The following SPDYA variants were observed in gnomAD, a reference collection of about 807,000 sequenced individuals.
SPDYA encodes the protein speedy protein A.
Under a neutral mutation model 36.7 loss-of-function variants are expected in SPDYA, and 11 were observed. The ratio of observed to expected loss-of-function variants is 0.30; its 90% CI spans 0.19 to 0.50. SPDYA has a LOEUF of 0.50. SPDYA is among the 20% of genes least tolerant of loss of function. The probability of loss-of-function intolerance (pLI) is 0.98; values close to 1 mark genes in which losing one functional copy is unlikely to be tolerated. For synonymous variants in SPDYA, 115 were observed against 118.7 expected, an observed-to-expected ratio of 0.97 and a Z score of 0.20; for missense variants, 287 against 370.9, an observed-to-expected ratio of 0.77 and a Z score of 1.86.
intron 6 of SPDYA, 102 bp from the exon 7 acceptor site, chr2:28,840,070 C>G: frequency 9.0e-7 from 1 of 1,110,268 alleles, no homozygotes; most frequent in Non-Finnish European, 1.2e-6. Flanking sequence ...GGATTTTTAT[C>G]TTCACTTTAG....
chr2:28,813,227 C>T (rs1470998355), intron 1 of SPDYA, among the ~76,000 whole-genome samples: 1 of 152,166 alleles, frequency 6.6e-6, no homozygotes, highest in Non-Finnish European at 1.5e-5. Flanking sequence ...AATATCCCAA[C>T]ACATACATAA....
rs144501479 is a variant in SPDYA at position 28,850,230 on chromosome 2, T to G, written c.*289T>G. The stretch of plus-strand genomic sequence containing the variant: ...AAGTTGTGGTTTGACCTTCCTCAAC[T>G]TGACAAGAAAAGCTAATTTAAGAGA... On this transcript the variant is annotated 3_prime_UTR_variant, in exon 8 of 8. Transcript: ENST00000334056. 4.7e-5 allele frequency: 75 copies of G among 1,611,942 alleles called. 1 individual carries two copies. In the African/African-American group the frequency reaches 8.9e-4, roughly 19 times the overall value.
chr2:28,823,743 AT>A (rs1312777447), intron 5 of SPDYA, among the ~76,000 whole-genome samples: 28 of 51,988 alleles, frequency 5.4e-4, no homozygotes, highest in South Asian at 1.6e-3. Context: ...ATATATATAT[AT>A]AAAATTTTTT....
chr2:28,819,620 A>T (rs995895017), intron 4 of SPDYA, among the ~76,000 whole-genome samples: 3 of 151,784 alleles, frequency 2.0e-5, no homozygotes, highest in African/African-American at 7.3e-5. Flanking sequence ...GCATAGATTC[A>T]GTCTATACTT....
chr2:28,848,603 C>A (rs1362952348), intron 7 of SPDYA, among the ~76,000 whole-genome samples: 1 of 152,126 alleles, frequency 6.6e-6, no homozygotes, highest in African/African-American at 2.4e-5. Flanking sequence ...TCTAAAAAGG[C>A]AGAGATTTTA....
intron 3 of SPDYA, among the ~76,000 whole-genome samples, chr2:28,817,898 T>C (rs949414659): frequency 2.3e-5 from 3 of 132,190 alleles, no homozygotes; most frequent in Non-Finnish European, 3.1e-5. Context: ...TGGTGGCTCA[T>C]GCCTGTAATC....
intron 6 of SPDYA, 25 bp downstream of exon 6, chr2:28,829,344 T>C (rs1481169643): frequency 6.3e-7 from 1 of 1,580,658 alleles, no homozygotes; most frequent in Non-Finnish European, 8.5e-7. Flanking sequence ...ATGCTTTATA[T>C]ATGTAATCTT....
chr2:28,844,660 G>T (rs1234239470), intron 7 of SPDYA, among the ~76,000 whole-genome samples: 1 of 152,078 alleles, frequency 6.6e-6, no homozygotes, highest in South Asian at 2.1e-4. Flanking sequence ...TTTGCTGGGC[G>T]CGGTGGCTCA....
intron 4 of SPDYA, among the ~76,000 whole-genome samples, chr2:28,820,564 C>T (rs974333201): frequency 2.8e-4 from 42 of 151,972 alleles, no homozygotes; most frequent in African/African-American, 9.4e-4. Context: ...CCAGCCTGGG[C>T]GACAGATCGA....
chr2:28,819,133 A>T, intron 4 of SPDYA, 27 bp downstream of exon 4: 1 of 1,537,076 alleles, frequency 6.5e-7, no homozygotes, highest in Non-Finnish European at 9.0e-7. Context: ...TATAACAATT[A>T]ACCAGCATTA....
At chr2:28,821,289 T>C (rs1218772366) in intron 4 of SPDYA, among the ~76,000 whole-genome samples, 10 of 135,694 alleles carry the variant, frequency 7.4e-5, no homozygotes. Flanking sequence ...AACCTCCGCC[T>C]CCCGGGTTCA....
At chr2:28,841,734 C>T (rs1668755004) in intron 7 of SPDYA, among the ~76,000 whole-genome samples, 2 of 152,170 alleles carry the variant, frequency 1.3e-5, no homozygotes, top group African/African-American at 4.8e-5. Flanking sequence ...AATCACTCAA[C>T]AAATTTGCAC....
intron 5 of SPDYA, among the ~76,000 whole-genome samples, chr2:28,824,545 C>CT (rs1668268914): frequency 8.2e-6 from 1 of 121,886 alleles, no homozygotes; most frequent in Middle Eastern, 4.7e-3. Context: ...TTTTTCTTTT[C>CT]TTTCTTTCTT....
intron 4 of SPDYA, among the ~76,000 whole-genome samples, chr2:28,821,738 C>G (rs1668173980): frequency 1.3e-5 from 2 of 152,160 alleles, no homozygotes; most frequent in African/African-American, 2.4e-5. Context: ...TTTGAACAGA[C>G]AGAACCTGGC....
chr2:28,825,240 GT>G lies in SPDYA; in HGVS notation c.380+2840del, dbSNP rs573693538. 4.5e-3 allele frequency among the ~76,000 whole-genome samples: 660 copies of G among 146,954 alleles called. 3 individuals are homozygous for G. The highest frequency in any genetic ancestry group is 0.014 in the South Asian group (63 of 4,622). On this transcript the variant is annotated intron_variant, in intron 5 of 7. Coordinates refer to ENST00000334056, the MANE Select transcript of SPDYA (RefSeq NM_182756.4). ...TATGTTGATGCAATATTTATTTTGT[GT>G]TTTTTTTTTACCTGAGAATTAAAAA...
chr2:28,816,320 TTTTA>T (rs1395351973), intron 3 of SPDYA, 71 bp downstream of exon 3: 2 of 1,134,446 alleles, frequency 1.8e-6, no homozygotes, highest in African/African-American at 3.2e-5. Context: ...ATCTAAATGT[TTTTA>T]TTCTGATCAA....
chr2:28,839,875 T>C (rs2148104150), intron 6 of SPDYA, among the ~76,000 whole-genome samples: 1 of 152,308 alleles, frequency 6.6e-6, no homozygotes, highest in African/African-American at 2.4e-5. Context: ...GTATTATCTT[T>C]CCCAAACTTA....
intron 1 of SPDYA, among the ~76,000 whole-genome samples, chr2:28,812,766 A>G (rs1667880656): frequency 6.6e-6 from 1 of 150,502 alleles, no homozygotes; most frequent in South Asian, 2.1e-4. Context: ...CTGAGGCTGG[A>G]GAATCGCTTG....
rs74416371 is a variant in SPDYA at position 28,811,890 on chromosome 2, A to C, written c.-93+943A>C. On this transcript the variant is annotated intron_variant, in intron 1 of 7. Coordinates refer to ENST00000334056, the MANE Select transcript of SPDYA (RefSeq NM_182756.4). The surrounding 1 kb of genome is among the most constrained non-coding windows in gnomAD (Gnocchi z 4.2). Reference sequence around the variant, plus strand: ...AGAATCGCTTGAACCCGGGAGGCAGAGGTGGCAGTGATCCGAGATCGCCTT... The same window carrying C: ...AGAATCGCTTGAACCCGGGAGGCAGCGGTGGCAGTGATCCGAGATCGCCTT... 2.6e-3 allele frequency among the ~76,000 whole-genome samples: 392 copies of C among 152,330 alleles called. 2 individuals are homozygous for C. The highest frequency in any genetic ancestry group is 9.2e-3 in the African/African-American group (384 of 41,580).
Sources: gnomAD v4.1 joint callset for allele counts (sites outside exome capture counted in the v4.1 genomes callset) on GRCh38, gnomAD v4.1.1 for gene constraint, Gnocchi (gnomAD v3.1) non-coding constraint, MANE v1.5 for transcripts, NCBI Gene and HGNC (gene_info 2026-07-23, HGNC 2026-07-21) for gene names.